WDR26: variants seen among roughly 807,000 people sequenced by gnomAD.
WDR26 encodes the protein WD repeat domain 26, also known as WD repeat-containing protein 26.
Under a neutral mutation model 84.1 loss-of-function variants are expected in WDR26, and 5 were observed. The ratio of observed to expected loss-of-function variants is 0.06; its 90% confidence interval spans 0.03 to 0.13. The LOEUF is 0.13. Among genes scored for constraint, WDR26 ranks in the 10% least tolerant of loss-of-function variants. The probability of loss-of-function intolerance (pLI) is 1.00; values close to 1 mark genes in which losing one functional copy is unlikely to be tolerated. For synonymous variants in WDR26, 415 were observed against 389.6 expected (o/e 1.07, Z -0.77); for missense variants, 642 against 974.9 (o/e 0.66, Z 4.55).
intron 8 of WDR26, among the ~76,000 whole-genome samples, 178 bp downstream of exon 8, chr1:224,404,252 G>A (rs2102897573): frequency 6.6e-6 from 1 of 152,210 alleles, no homozygotes; most frequent in Middle Eastern, 3.4e-3. Context: ...ATATATTACT[G>A]AGCATAATAC....
chr1:224,398,807 A>G (rs1205335566), intron 10 of WDR26, 82 bp downstream of exon 10: 2 of 1,557,706 alleles, frequency 1.3e-6, no homozygotes, highest in Admixed American at 1.9e-5. Flanking sequence ...GAAAAACATA[A>G]AAACTGTGAA....
Position 224,393,889 on chromosome 1 carries a change from T to A in WDR26, c.2199A>T (p.Ser733=). Residue 733 remains serine (S), a synonymous_variant, in exon 13 of 14, where the codon TCA becomes TCT. Coordinates refer to ENST00000414423, the MANE Select transcript of WDR26 (RefSeq NM_001379403.1). ...CCCATATTCTAACAGTGCCATCATC[T>A]GAGGCGCTGGCCATCATGGATGGAA... is the stretch of plus-strand genomic sequence containing the variant. The A allele has an allele frequency of 6.3e-7, 1 of 1,593,136 alleles. No homozygotes were observed. Among genetic ancestry groups the A allele is most frequent in the Non-Finnish European group, 8.6e-7 (1 of 1,163,480 alleles).
At chr1:224,424,747 C>A in intron 3 of WDR26, 93 bp from the exon 4 acceptor site, 1 of 1,522,820 alleles carries the variant, frequency 6.6e-7, no homozygotes, top group Non-Finnish European at 9.0e-7. Context: ...AACCATTCTA[C>A]TATGCCCTTT....
At chr1:224,410,700 T>TC (rs1673714868) in intron 7 of WDR26, among the ~76,000 whole-genome samples, 1 of 147,904 alleles carries the variant, frequency 6.8e-6, no homozygotes, top group African/African-American at 2.5e-5. Flanking sequence ...CTTTCTTTTT[T>TC]TTTTTTTTTT....
chr1:224,421,857 G>A (rs1335351053), intron 4 of WDR26, among the ~76,000 whole-genome samples: 2 of 152,172 alleles, frequency 1.3e-5, no homozygotes, highest in Admixed American at 1.3e-4. Flanking sequence ...CAGGCTTTGA[G>A]TCCTGCTTTC....
intron 3 of WDR26, chr1:224,430,209 T>C (rs1674351893): frequency 1.3e-5 from 2 of 152,156 alleles, no homozygotes; most frequent in Non-Finnish European, 2.9e-5. Context: ...TCCAATCCCT[T>C]TGAATATAGA....
intron 6 of WDR26, among the ~76,000 whole-genome samples, chr1:224,416,569 C>T (rs1170380548): frequency 6.6e-6 from 1 of 152,154 alleles, no homozygotes; most frequent in Non-Finnish European, 1.5e-5. Context: ...TGGTCCCTGA[C>T]CTGAGGGTTG....
chr1:224,388,031 T>C lies in WDR26; in HGVS notation c.*1804A>G, dbSNP rs564971134. On this transcript the variant is annotated 3_prime_UTR_variant, in exon 14 of 14. Coordinates refer to ENST00000414423, the MANE Select transcript of WDR26 (RefSeq NM_001379403.1). Reference sequence around the variant, plus strand: ...AGAAATCTTTTACATACCAATTTGATAAGAGTCTGCTGACCACGATCTGTC... The same window carrying C: ...AGAAATCTTTTACATACCAATTTGACAAGAGTCTGCTGACCACGATCTGTC... 1.3e-5 allele frequency: 2 copies of C among 152,772 alleles called. No homozygotes were observed. Among genetic ancestry groups the C allele is most frequent in the Non-Finnish European group, 2.9e-5 (2 of 68,022 alleles). The allele number at this position is 152,772 out of a possible 1,614,324, so 9.5% of individuals were successfully genotyped here. A position where few individuals can be genotyped will look rare whatever the true frequency, so the allele number is the denominator to read the frequency against.
At position 224,389,812 on chromosome 1, in the gene WDR26, A is replaced by C; in HGVS notation, c.*23T>G. 1 of 1,438,568 alleles carries C rather than the reference A, an allele frequency of 7.0e-7. No individual in the cohort carries two copies. The highest frequency in any genetic ancestry group is 9.3e-7 in the Non-Finnish European group (1 of 1,073,110). The allele number at this position is 1,438,568 out of a possible 1,614,324, so 89.1% of individuals were successfully genotyped here. A position where few individuals can be genotyped will look rare whatever the true frequency, so the allele number is the denominator to read the frequency against. On this transcript the variant is annotated 3_prime_UTR_variant, in exon 14 of 14. Coordinates refer to ENST00000414423, the MANE Select transcript of WDR26 (RefSeq NM_001379403.1). ...TACGACTAATTTTAAGTTAAACAGA[A>C]GTCGTCTGCTCCAAATTCACCATCA...
chr1:224,389,914 G>T (rs1469138530), intron 13 of WDR26, 54 bp from the exon 14 acceptor site: 1 of 1,206,296 alleles, frequency 8.3e-7, no homozygotes, highest in Non-Finnish European at 1.2e-6. Context: ...GGGAAGAGGG[G>T]AAGGAGAGAA....
At chr1:224,420,285 G>A (rs1173424226) in intron 4 of WDR26, among the ~76,000 whole-genome samples, 2 of 152,190 alleles carry the variant, frequency 1.3e-5, no homozygotes, top group African/African-American at 4.8e-5. Context: ...ACAGATTCTG[G>A]AGAATACATG....
rs1672994283 is a variant in WDR26, at chr1:224,386,492, G to A, written c.*3343C>T. 1 of 152,454 alleles carries A rather than the reference G, an allele frequency of 6.6e-6. No individual in the cohort carries two copies. The highest frequency in any genetic ancestry group is 1.5e-5 in the Non-Finnish European group (1 of 67,986). The allele number at this position is 152,454 out of a possible 1,614,324, so 9.4% of individuals were successfully genotyped here. Reference sequence around the variant, plus strand: ...TGATAGGGTCAGTTCTTGTTTGCAGGAACCAACATCCTAAAAAAGAAAATG... The same window carrying A: ...TGATAGGGTCAGTTCTTGTTTGCAGAAACCAACATCCTAAAAAAGAAAATG... On this transcript the variant is annotated 3_prime_UTR_variant, in exon 14 of 14. Coordinates refer to ENST00000414423, the MANE Select transcript of WDR26 (RefSeq NM_001379403.1).
At chr1:224,425,874 T>C (rs1674195655) in intron 3 of WDR26, among the ~76,000 whole-genome samples, 2 of 152,186 alleles carry the variant, frequency 1.3e-5, no homozygotes, top group African/African-American at 4.8e-5. Context: ...CTTCTTTTTT[T>C]TTTGAGACAG....
At position 224,424,667 on chromosome 1, in the gene WDR26, A is replaced by G; in HGVS notation, c.928-13T>C. The G allele has an allele frequency of 6.2e-7, 1 of 1,614,176 alleles. No homozygotes were observed. The highest frequency in any genetic ancestry group is 8.5e-7 in the Non-Finnish European group (1 of 1,180,026). ...AAAACTTCATCCTCTGACATGACAGAAAGCAGCAGTCAGGGGAAAAAAGTT... is the reference window on the plus strand; with the variant it reads ...AAAACTTCATCCTCTGACATGACAGGAAGCAGCAGTCAGGGGAAAAAAGTT... On this transcript the variant is annotated splice_polypyrimidine_tract_variant and intron_variant, in intron 3 of 13. Coordinates refer to ENST00000414423, the MANE Select transcript of WDR26 (RefSeq NM_001379403.1).
chr1:224,419,444 T>G, intron 5 of WDR26, 74 bp downstream of exon 5: 1 of 1,131,682 alleles, frequency 8.8e-7, no homozygotes, highest in Non-Finnish European at 1.3e-6. Flanking sequence ...TCCCCATCTG[T>G]CTTCCTAATT....
intron 13 of WDR26, among the ~76,000 whole-genome samples, chr1:224,391,794 G>A (rs1344000544): frequency 6.6e-6 from 1 of 152,098 alleles, no homozygotes; most frequent in Non-Finnish European, 1.5e-5. Flanking sequence ...GTGTTTTGGG[G>A]GTGGAGGGGG....
chr1:224,398,862 T>C lies in WDR26; in HGVS notation c.1865+27A>G, dbSNP rs138583098. ...ATTTGAATATAAATCAGGTAATTGTTGTTTAATGGAAACAAAAAATAGTTA... is the reference window on the plus strand; with the variant it reads ...ATTTGAATATAAATCAGGTAATTGTCGTTTAATGGAAACAAAAAATAGTTA... On this transcript the variant is annotated intron_variant, in intron 10 of 13. Coordinates refer to ENST00000414423, the MANE Select transcript of WDR26 (RefSeq NM_001379403.1). The C allele has an allele frequency of 6.0e-3, 9,684 of 1,610,838 alleles. 517 individuals carry two copies. The South Asian group carries it at 0.092, about 15-fold the overall frequency.
intron 7 of WDR26, among the ~76,000 whole-genome samples, chr1:224,408,632 TC>T (rs1277035146): frequency 7.1e-5 from 7 of 98,992 alleles, no homozygotes; most frequent in Non-Finnish European, 1.2e-4. Context: ...CTCATCCCAT[TC>T]TTTTTTTTTT....
intron 6 of WDR26, among the ~76,000 whole-genome samples, chr1:224,414,561 A>C (rs1028993243): frequency 3.3e-5 from 5 of 152,214 alleles, no homozygotes; most frequent in Non-Finnish European, 7.3e-5. Context: ...TTTCAAAGCT[A>C]AGATTTAATT....
Sources: allele counts gnomAD v4.1 joint callset (sites outside exome capture counted in the v4.1 genomes callset), GRCh38; gene constraint gnomAD v4.1.1; transcripts MANE v1.5; gene names NCBI Gene and HGNC (gene_info 2026-07-23, HGNC 2026-07-21).